ANKFY1: variants seen among roughly 807,000 people sequenced by gnomAD.
ANKFY1 encodes the protein ankyrin repeat and FYVE domain-containing protein 1.
In ANKFY1, 47 loss-of-function variants were observed where a neutral mutation model predicts 128.3. That is an observed-to-expected ratio of 0.37 (90% CI 0.29 to 0.47). The LOEUF (loss-of-function observed/expected upper bound fraction) is 0.47. ANKFY1 is among the 20% of genes least tolerant of loss of function. The pLI is 1.00. For missense variants in ANKFY1, 1,222 were observed against 1,510.6 expected (o/e 0.81, Z 3.17); for synonymous variants, 553 against 601.6 (o/e 0.92, Z 1.18).
chr17:4,198,588 T>C (rs934331591), intron 7 of ANKFY1, among the ~76,000 whole-genome samples: 14 of 152,128 alleles, frequency 9.2e-5, no homozygotes, highest in African/African-American at 3.4e-4. Context: ...TACAGGCTGG[T>C]CTCAAACTCC....
Position 4,166,586 on chromosome 17 carries a change from A to G in ANKFY1, c.*1193T>C, listed in dbSNP as rs1227009258. The G allele has an allele frequency of 1.3e-5, 2 of 152,522 alleles. No individual in the cohort carries two copies. Among genetic ancestry groups the G allele is most frequent in the Non-Finnish European group, 2.9e-5 (2 of 68,064 alleles). The allele number at this position is 152,522 out of a possible 1,614,324, so 9.4% of individuals were successfully genotyped here. On this transcript the variant is annotated 3_prime_UTR_variant, in exon 25 of 25. Transcript: ENST00000341657. Reference sequence around the variant, plus strand: ...GGCAGCCTCATCCAGCACACAAGCCAGAGACTTCCAAAGTAAGGTGGCGCA... The same window carrying G: ...GGCAGCCTCATCCAGCACACAAGCCGGAGACTTCCAAAGTAAGGTGGCGCA...
intron 20 of ANKFY1, 143 bp downstream of exon 20, chr17:4,173,766 G>T: frequency 8.5e-7 from 1 of 1,178,776 alleles, no homozygotes; most frequent in Non-Finnish European, 1.2e-6. Flanking sequence ...CAGGTTGGAT[G>T]CTCTACCCAG....
intron 5 of ANKFY1, among the ~76,000 whole-genome samples, chr17:4,209,223 C>T (rs920444418): frequency 6.6e-6 from 1 of 152,238 alleles, no homozygotes; most frequent in African/African-American, 2.4e-5. Context: ...CACCCTACTC[C>T]TGCAGCTCAG....
chr17:4,260,001 C>T (rs544381518), intron 1 of ANKFY1, among the ~76,000 whole-genome samples: 6 of 152,252 alleles, frequency 3.9e-5, no homozygotes, highest in Admixed American at 3.3e-4. Flanking sequence ...AGCAGCATGT[C>T]GGGCACACAC....
chr17:4,211,651 T>C (rs564810536), intron 4 of ANKFY1, among the ~76,000 whole-genome samples: 3 of 152,028 alleles, frequency 2.0e-5, no homozygotes, highest in Non-Finnish European at 4.4e-5. Context: ...GAGGAGTACT[T>C]GTGGCCACGA....
chr17:4,226,890 T>A (rs1379429324), intron 3 of ANKFY1, among the ~76,000 whole-genome samples: 1 of 151,824 alleles, frequency 6.6e-6, no homozygotes, highest in Non-Finnish European at 1.5e-5. Flanking sequence ...AAATCACCAA[T>A]ACCCAAGAAT....
In ANKFY1 at chr17:4,173,999, G is replaced by A. The variant is rs1392456789; in HGVS notation, c.2833C>T (p.Leu945Phe). Residue 945 changes from leucine to phenylalanine, a missense_variant, in exon 20 of 25, where the codon CTT (leucine) becomes TTT (phenylalanine). Physicochemically the swap from Leu to Phe is conservative, Grantham distance 22 (BLOSUM62 0). Transcript: ENST00000341657. ...GTGGGCAGGTCCTGCTGGGCAGCAA[G>A]ATGGAGGGCAGTCTGGCGATGCTTG... is the stretch of plus-strand genomic sequence containing the variant. ...LTKHRQTALHLAAQQDLPTIC... is the reference protein window; with the variant it reads ...LTKHRQTALHFAAQQDLPTIC... The A allele has an allele frequency of 6.2e-7, 1 of 1,614,250 alleles. No homozygotes were observed. Among genetic ancestry groups the A allele is most frequent in the East Asian group, 2.2e-5 (1 of 44,894 alleles).
At chr17:4,190,216 G>A (rs879829599) in intron 10 of ANKFY1, among the ~76,000 whole-genome samples, 4 of 152,116 alleles carry the variant, frequency 2.6e-5, no homozygotes, top group Admixed American at 6.5e-5. Flanking sequence ...CGAGGCAGGC[G>A]GATTACTTGA....
At chr17:4,222,095 G>A (rs1337823637) in intron 3 of ANKFY1, 4 of 151,268 alleles carry the variant, frequency 2.6e-5, no homozygotes, top group Non-Finnish European at 4.4e-5. Flanking sequence ...CTGGGGCCAG[G>A]GGTAGGCGGC....
chr17:4,166,007 C>G lies in ANKFY1; in HGVS notation c.*1772G>C, dbSNP rs910125080. ...TCACATGGCCAAATGTTTGCCAAGACTAGCAGAGTTTTTCTTTTAAACATT... is the reference window on the plus strand; with the variant it reads ...TCACATGGCCAAATGTTTGCCAAGAGTAGCAGAGTTTTTCTTTTAAACATT... On this transcript the variant is annotated 3_prime_UTR_variant, in exon 25 of 25. Coordinates refer to ENST00000341657, the MANE Select transcript of ANKFY1 (RefSeq NM_001330063.2). 7 of 152,202 alleles carry G rather than the reference C, an allele frequency of 4.6e-5. No homozygotes were observed. The highest frequency in any genetic ancestry group is 2.1e-4 in the South Asian group (1 of 4,834). 9.4% of individuals were successfully genotyped at this position (152,202 alleles called of 1,614,324 possible).
intron 2 of ANKFY1, among the ~76,000 whole-genome samples, chr17:4,236,790 T>C (rs1045834791): frequency 6.6e-6 from 1 of 151,332 alleles, no homozygotes; most frequent in Non-Finnish European, 1.5e-5. Context: ...AACCACTATA[T>C]GGAAAAAAAG....
intron 9 of ANKFY1, 48 bp from the exon 10 acceptor site, chr17:4,195,225 ACT>A: frequency 1.3e-6 from 2 of 1,534,596 alleles, no homozygotes; most frequent in Non-Finnish European, 1.8e-6. Context: ...TTTTTGAGAC[ACT>A]CTATACTGAC....
chr17:4,222,955 G>A (rs904057329), intron 3 of ANKFY1: 3 of 1,235,714 alleles, frequency 2.4e-6, no homozygotes, highest in Non-Finnish European at 3.6e-6. Context: ...AACGACTTGA[G>A]AAGTGTCACT....
At chr17:4,189,617 ACGC>A (rs2059676730) in intron 10 of ANKFY1, 138 bp from the exon 11 acceptor site, 2 of 744,860 alleles carry the variant, frequency 2.7e-6, no homozygotes, top group African/African-American at 3.5e-5. Flanking sequence ...CAGTAGGCCC[ACGC>A]CAGACAGTAG....
intron 2 of ANKFY1, among the ~76,000 whole-genome samples, chr17:4,241,724 T>G (rs1967235394): frequency 6.6e-6 from 1 of 152,138 alleles, no homozygotes; most frequent in Non-Finnish European, 1.5e-5. Flanking sequence ...AGTCAATTCC[T>G]GCTTGATTAG....
chr17:4,238,730 T>C (rs1967047960), intron 2 of ANKFY1, among the ~76,000 whole-genome samples: 1 of 151,950 alleles, frequency 6.6e-6, no homozygotes, highest in East Asian at 1.9e-4. Context: ...TCTCAAAAAG[T>C]GCTGGGATTA....
At chr17:4,219,957 G>T (rs973456263) in intron 3 of ANKFY1, among the ~76,000 whole-genome samples, 1 of 152,004 alleles carries the variant, frequency 6.6e-6, no homozygotes, top group Non-Finnish European at 1.5e-5. Flanking sequence ...AACGTAGCTG[G>T]GATTACATGT....
chr17:4,257,230 C>T (rs1968175968), intron 1 of ANKFY1, among the ~76,000 whole-genome samples: 1 of 152,150 alleles, frequency 6.6e-6, no homozygotes. Flanking sequence ...TCAGTCCTCA[C>T]CAGCCCCACA....
At chr17:4,184,047 T>A in intron 12 of ANKFY1, 137 bp from the exon 13 acceptor site, 1 of 695,838 alleles carries the variant, frequency 1.4e-6, no homozygotes, top group Non-Finnish European at 2.4e-6. Flanking sequence ...AGATAAATCT[T>A]GTCAAGACTC....
Sources: gnomAD v4.1 joint callset for allele counts (sites outside exome capture counted in the v4.1 genomes callset) on GRCh38, gnomAD v4.1.1 for gene constraint, MANE v1.5 for transcripts, NCBI Gene and HGNC (gene_info 2026-07-23, HGNC 2026-07-21) for gene names.